Variants in MAPK4 observed in about 807,000 individuals in gnomAD.
The protein encoded by MAPK4 is mitogen-activated protein kinase 4.
A neutral mutation model predicts 47.7 loss-of-function variants in MAPK4; 22 were observed. The ratio of observed to expected loss-of-function variants is 0.46; its 90% confidence interval spans 0.33 to 0.66. MAPK4 has a LOEUF of 0.66. Among genes scored for constraint, MAPK4 ranks in the 30% least tolerant of loss-of-function variants. The pLI is 0.02. For synonymous variants in MAPK4, 390 were observed against 365.7 expected (o/e 1.07, Z -0.76); for missense variants, 736 against 831.7 (o/e 0.88, Z 1.42).
Position 50,592,009 on chromosome 18 carries a change from T to C in MAPK4, c.-871+31766T>C, listed in dbSNP as rs370431209. On this transcript the variant is annotated intron_variant, in intron 1 of 5. Coordinates refer to ENST00000400384, the MANE Select transcript of MAPK4 (RefSeq NM_002747.4). ...AGCTTTGTACATGGTATTGACTATT[T>C]TAATGGCCAGAAAGACCAAAAAGTC... Among the ~76,000 whole-genome samples the C allele has an allele frequency of 2.5e-4, 38 of 152,274 alleles. No individual in the cohort carries two copies. In the East Asian group the frequency reaches 3.1e-3, roughly 12 times the overall value.
At chr18:50,645,492 C>T (rs1411242774) in intron 1 of MAPK4, among the ~76,000 whole-genome samples, 2 of 152,166 alleles carry the variant, frequency 1.3e-5, no homozygotes, top group Non-Finnish European at 2.9e-5. Context: ...TTATTAGACA[C>T]TCTACACAGT....
intron 2 of MAPK4, among the ~76,000 whole-genome samples, chr18:50,690,096 G>A (rs1909126908): frequency 6.6e-6 from 1 of 152,142 alleles, no homozygotes; most frequent in Non-Finnish European, 1.5e-5. Flanking sequence ...CTGAGCTAGA[G>A]CCCCAGAAGG....
Position 50,664,042 on chromosome 18 carries a change from C to T in MAPK4, c.84C>T (p.Phe28=), listed in dbSNP as rs3752086. ...TTGTTGACTTCCAACCCCTGGGCTT[C>T]GGTGTCAATGGTTTGGTGCTGTCGG... ...GRFVDFQPLG[F]GVNGLVLSAV... The change falls in exon 2 of 6, where the codon TTC becomes TTT. Residue 28 remains phenylalanine (F), a synonymous_variant. Transcript: ENST00000400384. This position sits in a 1 kb window ranked among gnomAD's most constrained non-coding sequence, Gnocchi z 6.0. 22,262 of 1,613,728 alleles carry T rather than the reference C, an allele frequency of 0.014. 1,082 individuals carry two copies. Among genetic ancestry groups the T allele is most frequent in the East Asian group, 0.14 (6,166 of 44,856 alleles).
intron 1 of MAPK4, among the ~76,000 whole-genome samples, chr18:50,561,700 C>T (rs938131250): frequency 3.9e-5 from 6 of 152,148 alleles, no homozygotes; most frequent in Non-Finnish European, 8.8e-5. Context: ...TTAACCTTTC[C>T]AAACCGCTTG....
intron 2 of MAPK4, among the ~76,000 whole-genome samples, chr18:50,692,906 T>G (rs1401797081): frequency 1.3e-5 from 2 of 152,136 alleles, no homozygotes; most frequent in Admixed American, 1.3e-4. Flanking sequence ...CTCCTCCGTT[T>G]TGCAGGGGCA....
intron 2 of MAPK4, among the ~76,000 whole-genome samples, chr18:50,666,038 C>A (rs540570483): frequency 6.6e-6 from 1 of 152,164 alleles, no homozygotes; most frequent in African/African-American, 2.4e-5. Context: ...CCACAAGACT[C>A]TTATATGTGG....
At chr18:50,656,137 G>A (rs1482178548) in intron 1 of MAPK4, among the ~76,000 whole-genome samples, 1 of 152,198 alleles carries the variant, frequency 6.6e-6, no homozygotes, top group South Asian at 2.1e-4. Flanking sequence ...AAGAACTGCA[G>A]ATCTCCAAGT....
intron 1 of MAPK4, among the ~76,000 whole-genome samples, chr18:50,564,004 G>T (rs2042177108): frequency 6.6e-6 from 1 of 152,130 alleles, no homozygotes; most frequent in African/African-American, 2.4e-5. Flanking sequence ...GAGGTAATTG[G>T]GGAGGCAAAG....
At chr18:50,623,122 G>A (rs1342398098) in intron 1 of MAPK4, among the ~76,000 whole-genome samples, 1 of 152,182 alleles carries the variant, frequency 6.6e-6, no homozygotes, top group Non-Finnish European at 1.5e-5. Flanking sequence ...CATTTGTCAG[G>A]CTGTAAGAGA....
At chr18:50,588,819 G>A (rs974371408) in intron 1 of MAPK4, among the ~76,000 whole-genome samples, 2 of 152,314 alleles carry the variant, frequency 1.3e-5, no homozygotes, top group South Asian at 4.1e-4. Flanking sequence ...GCCTCCCAAA[G>A]TGCTGGGATT....
At chr18:50,631,181 A>AC (rs1170193850) in intron 1 of MAPK4, among the ~76,000 whole-genome samples, 1 of 152,032 alleles carries the variant, frequency 6.6e-6, no homozygotes, top group Non-Finnish European at 1.5e-5. Context: ...ATTTAGTGCC[A>AC]CTTTTTTTTG....
At chr18:50,637,565 G>A (rs2042898812) in intron 1 of MAPK4, among the ~76,000 whole-genome samples, 2 of 152,250 alleles carry the variant, frequency 1.3e-5, no homozygotes, top group South Asian at 2.1e-4. Context: ...GCCCCAGCCA[G>A]GCTACTTCTA....
intron 2 of MAPK4, among the ~76,000 whole-genome samples, chr18:50,711,377 T>G (rs1201890428): frequency 1.3e-5 from 2 of 152,196 alleles, no homozygotes; most frequent in Non-Finnish European, 2.9e-5. Context: ...TGCCTCCCAG[T>G]GGGCACAAGG....
intron 1 of MAPK4, among the ~76,000 whole-genome samples, chr18:50,608,841 C>G (rs1442709749): frequency 6.6e-6 from 1 of 152,026 alleles, no homozygotes; most frequent in Non-Finnish European, 1.5e-5. Context: ...ACAAGGGTAT[C>G]TGGGTTTCCT....
chr18:50,628,015 A>G (rs904334747), intron 1 of MAPK4, among the ~76,000 whole-genome samples: 8 of 152,092 alleles, frequency 5.3e-5, no homozygotes, highest in African/African-American at 1.9e-4. Context: ...AGCTCCCACC[A>G]GGCCACCACA....
At chr18:50,605,066 C>T (rs371228933) in intron 1 of MAPK4, among the ~76,000 whole-genome samples, 1 of 152,228 alleles carries the variant, frequency 6.6e-6, no homozygotes, top group East Asian at 1.9e-4. Context: ...TCACTATGTA[C>T]CAGGCCCTGT....
intron 1 of MAPK4, among the ~76,000 whole-genome samples, chr18:50,614,625 T>A (rs1225448823): frequency 6.6e-6 from 1 of 152,234 alleles, no homozygotes; most frequent in African/African-American, 2.4e-5. Flanking sequence ...GTACACCTAC[T>A]ACATACCCAC....
At chr18:50,629,930 C>T (rs1052640012) in intron 1 of MAPK4, 1 of 152,194 alleles carries the variant, frequency 6.6e-6, no homozygotes, top group African/African-American at 2.4e-5. Context: ...TGATGCCCAT[C>T]ACTGTTGTAG....
chr18:50,582,634 C>T (rs539103600), intron 1 of MAPK4, among the ~76,000 whole-genome samples: 1 of 152,364 alleles, frequency 6.6e-6, no homozygotes, highest in Non-Finnish European at 1.5e-5. Context: ...CTGCTGCTGC[C>T]TCTGCCTGGG....
Sources: allele counts gnomAD v4.1 joint callset (sites outside exome capture counted in the v4.1 genomes callset), GRCh38; gene constraint gnomAD v4.1.1; non-coding constraint Gnocchi (gnomAD v3.1); transcripts MANE v1.5; gene names NCBI Gene and HGNC (gene_info 2026-07-23, HGNC 2026-07-21).